FAT3: variants seen among roughly 807,000 people sequenced by gnomAD.
The protein encoded by FAT3 is FAT atypical cadherin 3.
In FAT3, 95 loss-of-function variants were observed where a neutral mutation model predicts 310.2. That is an observed-to-expected ratio of 0.31 (90% CI 0.26 to 0.36). FAT3 has a LOEUF of 0.36. Ranked by LOEUF, FAT3 falls within the 10% of genes least tolerant of loss-of-function variation. The pLI, the probability that FAT3 is intolerant of heterozygous loss-of-function variation, is 1.00. For missense variants in FAT3, 5,408 were observed against 5,715.6 expected, an observed-to-expected ratio of 0.95 and a Z score of 1.74; for synonymous variants, 2,314 against 2,192.9, an observed-to-expected ratio of 1.06 and a Z score of -1.54.
Position 92,764,890 on chromosome 11 carries a change from G to A in FAT3, c.3996G>A (p.Val1332=). The A allele has an allele frequency of 1.9e-6, 3 of 1,613,526 alleles. No individual in the cohort carries two copies. The highest frequency in any genetic ancestry group is 1.7e-6 in the Non-Finnish European group (2 of 1,179,680). The change falls in exon 6 of 28, where the codon GTG becomes GTA. Residue 1332 remains valine (V), a synonymous_variant. Transcript: ENST00000525166. ...CCCTGTGTGAGTAGATAAAGGCAGT[G>A]GACAATGGGCGCCCACAGAAATCCT... The part of the protein sequence containing the change: ...GSYDILTIKA[V]DNGRPQKSST...
chr11:92,627,319 G>T (rs536002514), intron 3 of FAT3, among the ~76,000 whole-genome samples: 42 of 152,300 alleles, frequency 2.8e-4, no homozygotes, highest in African/African-American at 1.0e-3. Context: ...TATCGCATCA[G>T]GGAAGATAAA....
chr11:92,452,332 G>A (rs1452733528), intron 2 of FAT3, among the ~76,000 whole-genome samples: 1 of 152,136 alleles, frequency 6.6e-6, no homozygotes, highest in Non-Finnish European at 1.5e-5. Flanking sequence ...TTAAGAAAGA[G>A]CATCATTCTT....
chr11:92,520,299 T>C (rs868396690), intron 2 of FAT3, among the ~76,000 whole-genome samples: 12 of 152,248 alleles, frequency 7.9e-5, no homozygotes, highest in Middle Eastern at 3.4e-3. Context: ...TTATTTATAA[T>C]GACAGAAAGG....
At chr11:92,726,210 A>G (rs950932001) in intron 4 of FAT3, among the ~76,000 whole-genome samples, 1 of 152,202 alleles carries the variant, frequency 6.6e-6, no homozygotes. Flanking sequence ...GACAATTTCT[A>G]GAAAGTTCTA....
At chr11:92,501,674 TC>T (rs1159018459) in intron 2 of FAT3, among the ~76,000 whole-genome samples, 2 of 152,044 alleles carry the variant, frequency 1.3e-5, no homozygotes, top group African/African-American at 4.8e-5. Context: ...TGGGCTTTTT[TC>T]TAATATGAAT....
chr11:92,369,178 A>T (rs1054425037), intron 2 of FAT3, among the ~76,000 whole-genome samples: 1 of 152,232 alleles, frequency 6.6e-6, no homozygotes, highest in African/African-American at 2.4e-5. Flanking sequence ...TGCAAAATTT[A>T]TAAAAATGTA....
intron 3 of FAT3, among the ~76,000 whole-genome samples, chr11:92,639,438 A>G (rs1301206151): frequency 2.0e-5 from 3 of 152,106 alleles, no homozygotes; most frequent in African/African-American, 7.2e-5. Context: ...TACAAACAGC[A>G]CTGCAATGTG....
At chr11:92,586,192 A>G (rs1447930932) in intron 3 of FAT3, among the ~76,000 whole-genome samples, 1 of 152,032 alleles carries the variant, frequency 6.6e-6, no homozygotes, top group African/African-American at 2.4e-5. Context: ...ATTCAGCCAT[A>G]GAAATAAATA....
chr11:92,269,295 C>T (rs1348282270), intron 1 of FAT3, among the ~76,000 whole-genome samples: 1 of 152,082 alleles, frequency 6.6e-6, no homozygotes, highest in East Asian at 1.9e-4. Context: ...CATTTAGATC[C>T]CTGACCACTC....
intron 2 of FAT3, among the ~76,000 whole-genome samples, chr11:92,410,147 G>A (rs986272848): frequency 6.6e-6 from 1 of 152,186 alleles, no homozygotes; most frequent in African/African-American, 2.4e-5. Flanking sequence ...TGTGGTGGTT[G>A]GTGATTTTTT....
chr11:92,326,118 A>G (rs1362961059), intron 1 of FAT3, among the ~76,000 whole-genome samples: 1 of 152,214 alleles, frequency 6.6e-6, no homozygotes, highest in Non-Finnish European at 1.5e-5. Context: ...AGGCTCCATC[A>G]TATACTAGCT....
intron 15 of FAT3, 133 bp downstream of exon 15, chr11:92,835,217 T>C (rs1455335331): frequency 1.5e-6 from 1 of 670,680 alleles, no homozygotes; most frequent in Non-Finnish European, 2.5e-6. Context: ...TCCCCAAGAA[T>C]AGGAGCCATC....
chr11:92,431,219 G>C (rs1439276054), intron 2 of FAT3, among the ~76,000 whole-genome samples: 1 of 152,186 alleles, frequency 6.6e-6, no homozygotes, highest in Non-Finnish European at 1.5e-5. Flanking sequence ...GGTGTGAGAT[G>C]ATATCTCATT....
intron 1 of FAT3, among the ~76,000 whole-genome samples, chr11:92,256,844 C>T (rs781289096): frequency 2.0e-5 from 3 of 152,078 alleles, no homozygotes; most frequent in Non-Finnish European, 2.9e-5. Context: ...ATAAGTTGTG[C>T]AGCCAGGATA....
At chr11:92,485,923 G>A (rs1381780806) in intron 2 of FAT3, among the ~76,000 whole-genome samples, 1 of 152,084 alleles carries the variant, frequency 6.6e-6, no homozygotes, top group Non-Finnish European at 1.5e-5. Flanking sequence ...TGCTGCTCAT[G>A]AATAGATAAT....
chr11:92,544,879 T>C (rs547880067), intron 3 of FAT3, among the ~76,000 whole-genome samples: 87 of 152,338 alleles, frequency 5.7e-4, no homozygotes, highest in African/African-American at 2.0e-3. Flanking sequence ...TTGAGACTTA[T>C]GTGTGCCAGA....
chr11:92,381,467 C>T (rs186566117), intron 2 of FAT3, among the ~76,000 whole-genome samples: 1,691 of 152,258 alleles, frequency 0.011, 11 homozygotes, highest in Non-Finnish European at 0.018. Flanking sequence ...GAGCCAAGAT[C>T]ACGCCATTGC....
chr11:92,584,408 A>C (rs1410196491), intron 3 of FAT3, among the ~76,000 whole-genome samples: 1 of 152,070 alleles, frequency 6.6e-6, no homozygotes, highest in African/African-American at 2.4e-5. Flanking sequence ...ATCGTACAGA[A>C]AGCTTTTGAG....
chr11:92,318,467 A>G (rs1364624223), intron 1 of FAT3, among the ~76,000 whole-genome samples: 1 of 152,150 alleles, frequency 6.6e-6, no homozygotes, highest in Non-Finnish European at 1.5e-5. Context: ...TAATTCCGTG[A>G]GATTTGTACT....
Sources: gnomAD v4.1 joint callset for allele counts (sites outside exome capture counted in the v4.1 genomes callset) on GRCh38, gnomAD v4.1.1 for gene constraint, MANE v1.5 for transcripts, NCBI Gene and HGNC (gene_info 2026-07-23, HGNC 2026-07-21) for gene names.